NPAS3: variants seen among roughly 807,000 people sequenced by gnomAD.
NPAS3 encodes neuronal PAS domain-containing protein 3.
NPAS3 carries 14 observed loss-of-function variants against 73.1 expected under a neutral mutation model. That is an observed-to-expected ratio of 0.19 (90% CI 0.13 to 0.30). NPAS3 has a LOEUF of 0.30. Among genes scored for constraint, NPAS3 ranks in the 10% least tolerant of loss-of-function variants. The probability of loss-of-function intolerance (pLI) is 1.00; values close to 1 mark genes in which losing one functional copy is unlikely to be tolerated. For synonymous variants in NPAS3, 620 were observed against 541.5 expected, an observed-to-expected ratio of 1.14 and a Z score of -2.01; for missense variants, 1,096 against 1,250.0, an observed-to-expected ratio of 0.88 and a Z score of 1.86.
chr14:32,971,511 G>A (rs981846915), intron 1 of NPAS3, among the ~76,000 whole-genome samples: 3 of 152,112 alleles, frequency 2.0e-5, no homozygotes, highest in African/African-American at 7.2e-5. Flanking sequence ...CATTTATAAT[G>A]TTATCTTCAA....
chr14:33,093,479 G>A (rs992637031), intron 2 of NPAS3, among the ~76,000 whole-genome samples: 2 of 152,224 alleles, frequency 1.3e-5, no homozygotes, highest in East Asian at 3.8e-4. Context: ...ACAGGTGCTG[G>A]AGACGATGTG....
intron 5 of NPAS3, among the ~76,000 whole-genome samples, chr14:33,658,404 A>G (rs183035973): frequency 3.3e-4 from 51 of 152,352 alleles, no homozygotes; most frequent in African/African-American, 1.2e-3. Flanking sequence ...GTCTGTTTCT[A>G]TCTTTTTCTT....
At position 33,753,855 on chromosome 14, in the gene NPAS3, T is replaced by C. The variant is rs150402398; in HGVS notation, c.852+18523T>C. Among the ~76,000 whole-genome samples, 157 of 152,276 alleles carry C rather than the reference T, an allele frequency of 1.0e-3. 1 individual carries two copies. Among genetic ancestry groups the C allele is most frequent in the African/African-American group, 3.5e-3 (146 of 41,550 alleles). Reference sequence around the variant, plus strand: ...TCCATGCTACAAGAGCAACAAAATATGGAGCTCTCTTTTCCTAAGTTAGCC... The same window carrying C: ...TCCATGCTACAAGAGCAACAAAATACGGAGCTCTCTTTTCCTAAGTTAGCC... On this transcript the variant is annotated intron_variant, in intron 7 of 11. Transcript: ENST00000356141.
chr14:33,152,843 G>A (rs924775509), intron 2 of NPAS3, among the ~76,000 whole-genome samples: 1 of 151,548 alleles, frequency 6.6e-6, no homozygotes, highest in African/African-American at 2.4e-5. Flanking sequence ...TTTTAATCTG[G>A]AAATGTATCC....
At chr14:33,755,256 C>G (rs2062080467) in intron 7 of NPAS3, among the ~76,000 whole-genome samples, 1 of 152,124 alleles carries the variant, frequency 6.6e-6, no homozygotes, top group Non-Finnish European at 1.5e-5. Flanking sequence ...TGGATTATAA[C>G]TGTAAAATGT....
chr14:33,427,959 A>G lies in NPAS3; in HGVS notation c.468+60691A>G, dbSNP rs187791285. Reference sequence around the variant, plus strand: ...AGTTGCTATGAATGTTTATATAAACATAGATATTAGAATCTTGGCCAGGCA... The same window carrying G: ...AGTTGCTATGAATGTTTATATAAACGTAGATATTAGAATCTTGGCCAGGCA... On this transcript the variant is annotated intron_variant, in intron 4 of 11. Transcript: ENST00000356141. Among the ~76,000 whole-genome samples the G allele has an allele frequency of 3.9e-5, 6 of 152,274 alleles. No homozygotes were observed. In the East Asian group the frequency reaches 9.7e-4, roughly 25 times the overall value.
downstream of NPAS3, chr14:33,803,177 T>C (rs563891003): frequency 6.6e-6 from 1 of 152,342 alleles, no homozygotes; most frequent in East Asian, 1.9e-4. Context: ...CCTTTCAGGT[T>C]GGCTGATGGA....
At chr14:33,647,366 T>A (rs184948598) in intron 5 of NPAS3, among the ~76,000 whole-genome samples, 1 of 151,974 alleles carries the variant, frequency 6.6e-6, no homozygotes, top group Admixed American at 6.6e-5. Flanking sequence ...TTAGTAATAT[T>A]TTTGACCAGC....
At chr14:33,244,503 T>G (rs540828771) in intron 3 of NPAS3, among the ~76,000 whole-genome samples, 2 of 127,760 alleles carry the variant, frequency 1.6e-5, no homozygotes, top group Non-Finnish European at 3.5e-5. Flanking sequence ...CTTATGGATG[T>G]AATGTAAGTT....
intron 4 of NPAS3, among the ~76,000 whole-genome samples, chr14:33,383,716 A>G (rs1429650751): frequency 1.3e-5 from 2 of 152,202 alleles, no homozygotes; most frequent in Non-Finnish European, 2.9e-5. Context: ...GAATGCACCT[A>G]GGAGGAATAT....
At chr14:33,138,491 G>T (rs1168303171) in intron 2 of NPAS3, among the ~76,000 whole-genome samples, 1 of 152,022 alleles carries the variant, frequency 6.6e-6, no homozygotes, top group Admixed American at 6.6e-5. Context: ...AGATTCATTG[G>T]TTCAATGAAT....
intron 5 of NPAS3, among the ~76,000 whole-genome samples, chr14:33,601,643 T>C (rs973811438): frequency 6.6e-6 from 1 of 152,206 alleles, no homozygotes; most frequent in African/African-American, 2.4e-5. Flanking sequence ...AGGTATAATC[T>C]TGGGAACTAA....
intron 2 of NPAS3, among the ~76,000 whole-genome samples, chr14:33,188,074 G>C (rs1196760527): frequency 1.3e-5 from 2 of 152,184 alleles, no homozygotes; most frequent in African/African-American, 4.8e-5. Flanking sequence ...CTGAAATCCA[G>C]GCAGTCTGAT....
intron 2 of NPAS3, among the ~76,000 whole-genome samples, chr14:33,123,557 G>A (rs1056621368): frequency 1.3e-5 from 2 of 152,102 alleles, no homozygotes; most frequent in Non-Finnish European, 2.9e-5. Flanking sequence ...AGTGGAGAGG[G>A]AGGCAGAAGA....
intron 2 of NPAS3, among the ~76,000 whole-genome samples, chr14:33,210,838 A>G (rs934402849): frequency 6.6e-6 from 1 of 152,174 alleles, no homozygotes; most frequent in Non-Finnish European, 1.5e-5. Context: ...AATTAAATAT[A>G]TTTTTATTTG....
At chr14:33,401,721 T>C in intron 4 of NPAS3, among the ~76,000 whole-genome samples, 1 of 152,262 alleles carries the variant, frequency 6.6e-6, no homozygotes, top group East Asian at 1.9e-4. Flanking sequence ...CCATTACATC[T>C]TTTTGGGTCA....
intron 4 of NPAS3, among the ~76,000 whole-genome samples, chr14:33,383,796 C>A (rs1212908288): frequency 6.6e-6 from 1 of 152,034 alleles, no homozygotes; most frequent in African/African-American, 2.4e-5. Flanking sequence ...TAGTGAATGT[C>A]TTCCGAAAAA....
intron 1 of NPAS3, among the ~76,000 whole-genome samples, chr14:32,953,808 A>G (rs1210930840): frequency 6.6e-6 from 1 of 152,182 alleles, no homozygotes; most frequent in African/African-American, 2.4e-5. Flanking sequence ...GTGTTACAAG[A>G]GGACCCTTGA....
At chr14:33,265,820 C>T (rs1391371864) in intron 3 of NPAS3, among the ~76,000 whole-genome samples, 1 of 152,004 alleles carries the variant, frequency 6.6e-6, no homozygotes, top group Non-Finnish European at 1.5e-5. Flanking sequence ...TCTACGTTGG[C>T]TTTCTGATAG....
Sources: gnomAD v4.1 joint callset for allele counts (sites outside exome capture counted in the v4.1 genomes callset) on GRCh38, gnomAD v4.1.1 for gene constraint, MANE v1.5 for transcripts, NCBI Gene and HGNC (gene_info 2026-07-23, HGNC 2026-07-21) for gene names.